Variants in ERICH1 observed in about 807,000 individuals in gnomAD.
The protein encoded by ERICH1 is glutamate rich 1, also known as glutamate-rich protein 1.
In ERICH1, 56 loss-of-function variants were observed where a neutral mutation model predicts 39.6. The observed-to-expected ratio is 1.41, with a 90% CI of 1.14 to 1.77. The LOEUF is 1.77. Among genes scored for constraint, ERICH1 ranks in the 40% most tolerant of loss-of-function variants. ERICH1 has a pLI of 0.00. For missense variants in ERICH1, 826 were observed against 575.4 expected (o/e 1.44, Z -4.45); for synonymous variants, 313 against 223.6 (o/e 1.40, Z -3.57).
chr8:721,491 C>T (rs1203156037), intron 1 of ERICH1, among the ~76,000 whole-genome samples: 1 of 152,180 alleles, frequency 6.6e-6, no homozygotes, highest in Non-Finnish European at 1.5e-5. Flanking sequence ...GAGCGTGCGG[C>T]CCCCACACAC....
In ERICH1 at chr8:711,524, A is replaced by G. The variant is rs762707460; in HGVS notation, c.169+4337T>C. Among the ~76,000 whole-genome samples, 504 of 143,370 alleles carry G rather than the reference A, an allele frequency of 3.5e-3. 1 individual carries two copies. The highest frequency in any genetic ancestry group is 4.7e-3 in the Non-Finnish European group (309 of 66,340). 94.1% of individuals were successfully genotyped at this position (143,370 alleles called of 152,430 possible). A position where few individuals can be genotyped will look rare whatever the true frequency, so the allele number is the denominator to read the frequency against. On this transcript the variant is annotated intron_variant, in intron 2 of 5. Coordinates refer to ENST00000262109, the MANE Select transcript of ERICH1 (RefSeq NM_207332.3). The stretch of plus-strand genomic sequence containing the variant: ...ATCTTTTTTTTTTTTTTTGAGATGG[A>G]GTCTTGCTCTGTCACCCAGGCCGGA...
chr8:701,980 G>C (rs775921067), intron 2 of ERICH1, among the ~76,000 whole-genome samples: 1 of 151,070 alleles, frequency 6.6e-6, no homozygotes, highest in Non-Finnish European at 1.5e-5. Context: ...GGGAGGCTGA[G>C]GCATGAGAAT....
At chr8:715,342 G>A (rs531403040) in intron 2 of ERICH1, among the ~76,000 whole-genome samples, 8 of 152,328 alleles carry the variant, frequency 5.3e-5, no homozygotes, top group South Asian at 2.1e-4. Context: ...ACAGGTGAGC[G>A]GAGTTGCACT....
chr8:673,411 C>T lies in ERICH1; in HGVS notation c.941G>A (p.Gly314Asp). The change falls in exon 4 of 6, where the codon GGT becomes GAT. Residue 314 changes from glycine (G) to aspartate (D), a missense_variant. Transcript: ENST00000262109. Reference sequence around the variant, plus strand: ...ACCGTCCTCCTCCCCGGAGTCTGCACCCTCTTCCTCCCCAGCCCATGTCGG... The same window carrying T: ...ACCGTCCTCCTCCCCGGAGTCTGCATCCTCTTCCTCCCCAGCCCATGTCGG... Reference protein sequence around the residue: ...EDPTWAGEEEGADSGEEDGAD... With the variant: ...EDPTWAGEEEDADSGEEDGAD... 6.2e-7 allele frequency: 1 copy of T among 1,613,544 alleles called. No homozygotes were observed. The highest frequency in any genetic ancestry group is 8.5e-7 in the Non-Finnish European group (1 of 1,179,870).
At chr8:625,054 G>C (rs34885175) in intron 3 of ERICH1, among the ~76,000 whole-genome samples, 102 of 152,074 alleles carry the variant, frequency 6.7e-4, no homozygotes, top group African/African-American at 2.3e-3. Flanking sequence ...CAGGCTTCCT[G>C]AGAACTCACT....
At chr8:691,433 C>G (rs1808888016) in intron 3 of ERICH1, among the ~76,000 whole-genome samples, 1 of 152,260 alleles carries the variant, frequency 6.6e-6, no homozygotes, top group Non-Finnish European at 1.5e-5. Flanking sequence ...GTCCTGGGAA[C>G]ATGAGCAGCA....
intron 2 of ERICH1, among the ~76,000 whole-genome samples, chr8:701,583 AAC>A (rs1398475899): frequency 6.6e-6 from 1 of 152,240 alleles, no homozygotes; most frequent in Non-Finnish European, 1.5e-5. Flanking sequence ...TCAGGTGAGC[AAC>A]AGAGTCGGAC....
intron 2 of ERICH1, among the ~76,000 whole-genome samples, chr8:693,622 G>C (rs943526414): frequency 1.3e-5 from 2 of 150,884 alleles, no homozygotes; most frequent in African/African-American, 4.9e-5. Flanking sequence ...CCCCTGCTGT[G>C]TGCCCCTCTA....
chr8:631,262 C>T (rs1220031936), intron 3 of ERICH1, among the ~76,000 whole-genome samples: 1 of 152,228 alleles, frequency 6.6e-6, no homozygotes, highest in Non-Finnish European at 1.5e-5. Flanking sequence ...ACTGGTGGTG[C>T]CCAGCCCCCG....
In ERICH1 at chr8:712,167, A is replaced by T. The variant is rs185039939; in HGVS notation, c.169+3694T>A. Among the ~76,000 whole-genome samples the T allele has an allele frequency of 4.5e-3, 691 of 152,330 alleles. 5 individuals carry two copies. The highest frequency in any genetic ancestry group is 0.016 in the African/African-American group (652 of 41,556). ...TCCATCTAAACTTTAGAATCAGTTT[A>T]TCAATATCCACAAAATAACTTGCTG... On this transcript the variant is annotated intron_variant, in intron 2 of 5. Transcript: ENST00000262109.
At chr8:722,702 AC>A (rs1381200487) in intron 1 of ERICH1, among the ~76,000 whole-genome samples, 5 of 152,166 alleles carry the variant, frequency 3.3e-5, no homozygotes, top group Non-Finnish European at 5.9e-5. Context: ...AAATTTCAAA[AC>A]TTTTGCTATC....
intron 4 of ERICH1, among the ~76,000 whole-genome samples, chr8:669,639 T>G (rs546914440): frequency 1.5e-4 from 23 of 152,386 alleles, no homozygotes; most frequent in African/African-American, 5.3e-4. Context: ...ACGCCTTCCC[T>G]GTCCAACACA....
At chr8:731,095 G>C in intron 1 of ERICH1, 45 bp downstream of exon 1, 1 of 1,427,292 alleles carries the variant, frequency 7.0e-7, no homozygotes, top group Non-Finnish European at 9.2e-7. Context: ...TGAGCCGAGA[G>C]CCGGGTCTGG....
At position 622,247 on chromosome 8, in the gene ERICH1, T is replaced by C. The variant is rs1797328545; in HGVS notation, c.977-6963A>G. 2.0e-5 allele frequency among the ~76,000 whole-genome samples: 3 copies of C among 152,160 alleles called. No individual in the cohort carries two copies. The South Asian group carries it at 6.2e-4, about 32-fold the overall frequency. ...AGAAAAATAAAAATAAATAAATAAA[T>C]TCCTTGCTATGGTCTGAATGTTTGT... On this transcript the variant is annotated intron_variant, in intron 3 of 3. Coordinates refer to the ERICH1 transcript ENST00000522706.
intron 4 of ERICH1, chr8:671,656 T>C: frequency 5.7e-6 from 1 of 175,296 alleles, no homozygotes. Context: ...CCTCTGAACC[T>C]GCCGGCCCCG....
intron 3 of ERICH1, among the ~76,000 whole-genome samples, chr8:650,083 G>C (rs1232741044): frequency 6.6e-6 from 1 of 152,228 alleles, no homozygotes; most frequent in Admixed American, 6.5e-5. Flanking sequence ...CGGTTCAGAA[G>C]AACAAGGCCG....
In ERICH1 at chr8:692,564, C is replaced by A; in HGVS notation, c.218G>T (p.Gly73Val). Residue 73 changes from glycine (G) to valine (V), a missense_variant, in exon 3 of 6, where the codon GGG becomes GTG. Gly to Val is a moderately radical substitution (Grantham distance 109). Transcript: ENST00000262109. ...ACAGGGGACGTAGCCCTCAGGAGGC[C>A]CGCTGGCAGTGTAGAGCCGTCGGGC... ...PTARRLYTAS[G>V]PPEGYVPCWP... is the part of the protein sequence containing the mutation. The A allele has an allele frequency of 1.2e-6, 2 of 1,613,596 alleles. No individual in the cohort carries two copies. The highest frequency in any genetic ancestry group is 1.7e-6 in the Non-Finnish European group (2 of 1,179,798).
chr8:687,655 G>C (rs867974607), intron 3 of ERICH1, among the ~76,000 whole-genome samples: 1 of 152,108 alleles, frequency 6.6e-6, no homozygotes, highest in Non-Finnish European at 1.5e-5. Context: ...GGGAGCGCCC[G>C]GGCGGCCCAG....
chr8:725,416 G>T (rs1818371155), intron 1 of ERICH1: 1 of 152,906 alleles, frequency 6.5e-6, no homozygotes. Context: ...AGCATTAGTA[G>T]AGTGAGCTCT....
Sources: gnomAD v4.1 joint callset for allele counts (sites outside exome capture counted in the v4.1 genomes callset) on GRCh38, gnomAD v4.1.1 for gene constraint, MANE v1.5 for transcripts, NCBI Gene and HGNC (gene_info 2026-07-23, HGNC 2026-07-21) for gene names.